The following ADAR variants were observed in gnomAD, a reference collection of about 807,000 sequenced individuals.
ADAR encodes the protein adenosine deaminase RNA specific, also known as double-stranded RNA-specific adenosine deaminase.
A neutral mutation model predicts 113.2 loss-of-function variants in ADAR; 41 were observed. The ratio of observed to expected loss-of-function variants is 0.36; its 90% CI spans 0.28 to 0.47. ADAR has a LOEUF of 0.47. Among genes scored for constraint, ADAR ranks in the 20% least tolerant of loss-of-function variants. ADAR has a pLI of 1.00. For synonymous variants in ADAR, 605 were observed against 572.6 expected (o/e 1.06, Z -0.81); for missense variants, 1,242 against 1,540.9 (o/e 0.81, Z 3.25).
Position 154,590,262 on chromosome 1 carries a change from C to G in ADAR, c.2418G>C (p.Glu806Asp). 1 of 1,613,950 alleles carries G rather than the reference C, an allele frequency of 6.2e-7. No individual in the cohort carries two copies. The highest frequency in any genetic ancestry group is 8.5e-7 in the Non-Finnish European group (1 of 1,180,020). Reference sequence around the variant, plus strand: ...GACTGGCCCCTGTCACTGGGGTTACCTCTGTGAAACCCATGCGTTCTGCCT... The same window carrying G: ...GACTGGCCCCTGTCACTGGGGTTACGTCTGTGAAACCCATGCGTTCTGCCT... Reference protein sequence around the residue: ...NEKAERMGFTEVTPVTGASLR... With the variant: ...NEKAERMGFTDVTPVTGASLR... The change falls in exon 7 of 15, where the codon GAG becomes GAC. Residue 806 changes from glutamate (E) to aspartate (D), a missense_variant. Physicochemically the swap from Glu to Asp is conservative, Grantham distance 45. Transcript: ENST00000368474.
chr1:154,596,784 A>G (rs1482992091), intron 6 of ADAR, 21 bp downstream of exon 6: 1 of 1,612,190 alleles, frequency 6.2e-7, no homozygotes, highest in Non-Finnish European at 8.5e-7. Context: ...CACATGCATT[A>G]GCCAGGACTA....
rs753783072 is a variant in ADAR, at chr1:154,584,639, A to C, written c.*167T>G. The C allele has an allele frequency of 1.0e-5, 7 of 681,836 alleles. No individual in the cohort carries two copies. The highest frequency in any genetic ancestry group is 1.9e-5 in the South Asian group (1 of 53,586). The allele number at this position is 681,836 out of a possible 1,614,324, so 42.2% of individuals were successfully genotyped here. ...CAGACCTTGCCTAGCAATCCCAAAG[A>C]AAGCAGGATAAATGGGAACCCAAAG... On this transcript the variant is annotated 3_prime_UTR_variant, in exon 15 of 15. Coordinates refer to ENST00000368474, the MANE Select transcript of ADAR (RefSeq NM_001111.5).
chr1:154,584,675 C>T lies in ADAR; in HGVS notation c.*131G>A. The T allele has an allele frequency of 1.2e-6, 1 of 854,226 alleles. No homozygotes were observed. Among genetic ancestry groups the T allele is most frequent in the Non-Finnish European group, 1.9e-6 (1 of 530,940 alleles). The allele number at this position is 854,226 out of a possible 1,614,324, so 52.9% of individuals were successfully genotyped here. A position where few individuals can be genotyped will look rare whatever the true frequency, so the allele number is the denominator to read the frequency against. On this transcript the variant is annotated 3_prime_UTR_variant, in exon 15 of 15. Transcript: ENST00000368474. Reference sequence around the variant, plus strand: ...AATGGGAACCCAAAGTTTTCAGTATCACCAATTATGGCTTAAAAAGAAAAA... The same window carrying T: ...AATGGGAACCCAAAGTTTTCAGTATTACCAATTATGGCTTAAAAAGAAAAA...
chr1:154,591,826 T>C (rs1697168716), intron 6 of ADAR, among the ~76,000 whole-genome samples: 1 of 152,192 alleles, frequency 6.6e-6, no homozygotes, highest in South Asian at 2.1e-4. Flanking sequence ...ATGCCTTCAC[T>C]CTTTTCTTTG....
intron 1 of ADAR, among the ~76,000 whole-genome samples, chr1:154,620,223 G>A (rs1698751039): frequency 6.6e-6 from 1 of 152,110 alleles, no homozygotes; most frequent in African/African-American, 2.4e-5. Context: ...CCTGGCCAAG[G>A]TGATGAAACT....
At chr1:154,588,015 CT>C in intron 11 of ADAR, 109 bp downstream of exon 11, 4 of 1,533,004 alleles carry the variant, frequency 2.6e-6, no homozygotes, top group Non-Finnish European at 2.7e-6. Context: ...TAAACAGCAC[CT>C]CTGTGCCCAG....
chr1:154,606,059 C>G, intron 1 of ADAR: 1 of 571,674 alleles, frequency 1.7e-6, no homozygotes, highest in Non-Finnish European at 2.2e-6. Context: ...AGCTGGAGTG[C>G]AGTGGCATGA....
At chr1:154,613,541 T>G (rs577044549) in intron 1 of ADAR, among the ~76,000 whole-genome samples, 179 of 152,182 alleles carry the variant, frequency 1.2e-3, no homozygotes, top group African/African-American at 3.9e-3. Context: ...TGCCTCGGCC[T>G]CCAAAAATGC....
At chr1:154,613,916 A>G (rs914963870) in intron 1 of ADAR, among the ~76,000 whole-genome samples, 5 of 151,748 alleles carry the variant, frequency 3.3e-5, no homozygotes, top group African/African-American at 1.2e-4. Flanking sequence ...AAAAAAAAAA[A>G]AAAGAAAGCA....
upstream of ADAR, among the ~76,000 whole-genome samples, chr1:154,611,624 C>A (rs140870955): frequency 6.6e-6 from 1 of 152,226 alleles, no homozygotes. Flanking sequence ...GCCTACCCTT[C>A]GAGCATTTTC....
At position 154,590,237 on chromosome 1, in the gene ADAR, G is replaced by A; in HGVS notation, c.2443C>T (p.Leu815Phe). Residue 815 changes from leucine (L) to phenylalanine (F), a missense_variant, in exon 7 of 15, where the codon CTC (leucine) becomes TTC (phenylalanine). Coordinates refer to ENST00000368474, the MANE Select transcript of ADAR (RefSeq NM_001111.5). ...GAGAGGAGGAGCATAGTTCTTCTGA[G>A]ACTGGCCCCTGTCACTGGGGTTACC... is the stretch of plus-strand genomic sequence containing the variant. ...TEVTPVTGAS[L>F]RRTMLLLSRS... 1.2e-6 allele frequency: 2 copies of A among 1,613,206 alleles called. No homozygotes were observed. The highest frequency in any genetic ancestry group is 8.5e-7 in the Non-Finnish European group (1 of 1,179,944).
At chr1:154,599,719 G>A (rs1373111554) in intron 2 of ADAR, among the ~76,000 whole-genome samples, 1 of 152,216 alleles carries the variant, frequency 6.6e-6, no homozygotes, top group Non-Finnish European at 1.5e-5. Context: ...TCTCTGTTAT[G>A]CCCTTCAGAA....
intron 11 of ADAR, among the ~76,000 whole-genome samples, chr1:154,587,534 T>C (rs756327134): frequency 6.6e-6 from 1 of 152,126 alleles, no homozygotes; most frequent in Non-Finnish European, 1.5e-5. Flanking sequence ...ACCGGCTCCA[T>C]GGTAACTGTG....
rs1697871020 is a variant in ADAR, at chr1:154,601,525, G to C, written c.1117C>G (p.Pro373Ala). ...GGGATTGCAGCTGGAGCGGTTTCAG[G>C]AACACTGTTCGTATTTCTCTTGATT... Reference protein sequence around the residue: ...MQIKRNTNSVPETAPAAIPET... With the variant: ...MQIKRNTNSVAETAPAAIPET... Residue 373 changes from proline (P) to alanine (A), a missense_variant, in exon 2 of 15, where the codon CCT (proline) becomes GCT (alanine). Coordinates refer to ENST00000368474, the MANE Select transcript of ADAR (RefSeq NM_001111.5). The surrounding 1 kb of genome is among the most constrained non-coding windows in gnomAD (Gnocchi z 4.7). 8 of 1,613,456 alleles carry C rather than the reference G, an allele frequency of 5.0e-6. No homozygotes were observed. Among genetic ancestry groups the C allele is most frequent in the Non-Finnish European group, 5.9e-6 (7 of 1,180,022 alleles).
intron 1 of ADAR, among the ~76,000 whole-genome samples, chr1:154,618,901 C>T (rs1453460605): frequency 6.6e-6 from 1 of 152,102 alleles, no homozygotes; most frequent in East Asian, 1.9e-4. Flanking sequence ...CCTGAGGTCA[C>T]GAGTTTGAGA....
chr1:154,585,652 GGGCAATGTTC>G, intron 13 of ADAR, 91 bp downstream of exon 13: 1 of 1,078,766 alleles, frequency 9.3e-7, no homozygotes, highest in Non-Finnish European at 1.4e-6. Flanking sequence ...CTACCACTGT[GGGCAATGTTC>G]CCCTTGCCCA....
At position 154,584,972 on chromosome 1, in the gene ADAR, C is replaced by T. The variant is rs577255099; in HGVS notation, c.3515G>A (p.Arg1172His). 2.6e-5 allele frequency: 42 copies of T among 1,614,176 alleles called. 1 individual carries two copies. The highest frequency in any genetic ancestry group is 2.2e-4 in the South Asian group (20 of 91,082). Residue 1172 changes from arginine (R) to histidine (H), a missense_variant, in exon 15 of 15, where the codon CGT becomes CAT. Arg to His is a conservative substitution (Grantham distance 29). Transcript: ENST00000368474. Reference sequence around the variant, plus strand: ...GAGTCTCAGTAGATCCCTGCGGTAACGGAAGGAGCAGAGCTTCTTAAATAG... The same window carrying T: ...GAGTCTCAGTAGATCCCTGCGGTAATGGAAGGAGCAGAGCTTCTTAAATAG... ...FLLFKKLCSF[R>H]YRRDLLRLSY...
At chr1:154,615,594 C>T (rs763495391) in intron 1 of ADAR, among the ~76,000 whole-genome samples, 8 of 151,538 alleles carry the variant, frequency 5.3e-5, no homozygotes, top group Non-Finnish European at 7.4e-5. Context: ...AATTTTTTTT[C>T]GTAGAAATAG....
intron 1 of ADAR, among the ~76,000 whole-genome samples, chr1:154,626,895 TG>T (rs1179863150): frequency 2.0e-5 from 3 of 152,184 alleles, no homozygotes; most frequent in Admixed American, 2.0e-4. Context: ...TTTAAAAGGA[TG>T]GGAACAAGGC....
Sources: allele counts gnomAD v4.1 joint callset (sites outside exome capture counted in the v4.1 genomes callset), GRCh38; gene constraint gnomAD v4.1.1; non-coding constraint Gnocchi (gnomAD v3.1); transcripts MANE v1.5; gene names NCBI Gene and HGNC (gene_info 2026-07-23, HGNC 2026-07-21).